CELSR3: variants seen among roughly 807,000 people sequenced by gnomAD.
The protein encoded by CELSR3 is EGF-like protein 1.
Under a neutral mutation model 270.0 loss-of-function variants are expected in CELSR3, and 73 were observed. The ratio of observed to expected loss-of-function variants is 0.27; its 90% CI spans 0.22 to 0.33. CELSR3 has a LOEUF of 0.33. Among genes scored for constraint, CELSR3 ranks in the 10% least tolerant of loss-of-function variants. CELSR3 has a pLI of 1.00. For missense variants in CELSR3, 3,614 were observed against 4,533.8 expected (o/e 0.80, Z 5.83); for synonymous variants, 1,780 against 1,905.4 (o/e 0.93, Z 1.71).
chr3:48,645,793 G>A lies in CELSR3; in HGVS notation c.7539C>T (p.Arg2513=). 1.9e-6 allele frequency: 3 copies of A among 1,611,928 alleles called. No individual in the cohort carries two copies. The highest frequency in any genetic ancestry group is 2.5e-6 in the Non-Finnish European group (3 of 1,179,462). Residue 2513 remains arginine, a synonymous_variant, in exon 23 of 35, where the codon CGC becomes CGT. Coordinates refer to ENST00000164024, the MANE Select transcript of CELSR3 (RefSeq NM_001407.3). This position sits in a 1 kb window ranked among gnomAD's most constrained non-coding sequence, Gnocchi z 5.4. ...VHRNGSHARC[R]CSRTGTFGVL... is the part of the protein sequence containing the mutation. ...CCCCAAAGGTCCCTGTCCGGCTGCAGCGACACCGTGCGTGGGACCCATTCC... is the reference window on the plus strand; with the variant it reads ...CCCCAAAGGTCCCTGTCCGGCTGCAACGACACCGTGCGTGGGACCCATTCC...
At position 48,639,625 on chromosome 3, in the gene CELSR3, G is replaced by C. The variant is rs760937695; in HGVS notation, c.9911+49C>G. ...GAACACAGGGCAGGGCACACAGGAG[G>C]TTGCCCTAAGCTGATGAGGGTGCAA... On this transcript the variant is annotated intron_variant, in intron 34 of 34. Coordinates refer to ENST00000164024, the MANE Select transcript of CELSR3 (RefSeq NM_001407.3). This position sits in a 1 kb window ranked among gnomAD's most constrained non-coding sequence, Gnocchi z 4.1. 3.1e-6 allele frequency: 5 copies of C among 1,594,728 alleles called. 1 individual carries two copies. The South Asian group carries it at 5.6e-5, about 18-fold the overall frequency.
chr3:48,642,360 G>A lies in CELSR3; in HGVS notation c.8663C>T (p.Ala2888Val). 6.2e-7 allele frequency: 1 copy of A among 1,612,208 alleles called. No individual in the cohort carries two copies. Among genetic ancestry groups the A allele is most frequent in the Non-Finnish European group, 8.5e-7 (1 of 1,179,404 alleles). The change falls in exon 31 of 35, where the codon GCT (alanine) becomes GTT (valine). Residue 2888 changes from alanine (A) to valine (V), a missense_variant and splice_region_variant. Transcript: ENST00000164024. This position sits in a 1 kb window ranked among gnomAD's most constrained non-coding sequence, Gnocchi z 6.1. The part of the protein sequence containing the change: ...DLDVAMFHRD[A>V]GADSDSDSDL... ...CCTGCCCCAGGCCCCAACTCCACCA[G>A]CATCTCGATGGAACATGGCCACGTC...
chr3:48,650,495 G>T lies in CELSR3; in HGVS notation c.6457C>A (p.Pro2153Thr). ...KFGVLATVPC[P>T]RGALGAAVRL... ...ACATACTCACCCAGGGCCCCCCGGG[G>T]ACAGGGCACTGTGGCCAGGACGCCA... The change falls in exon 16 of 35, where the codon CCC becomes ACC. Residue 2153 changes from proline to threonine, a missense_variant. By Grantham distance (38) the Pro-to-Thr change is conservative. Coordinates refer to ENST00000164024, the MANE Select transcript of CELSR3 (RefSeq NM_001407.3). The surrounding 1 kb of genome is among the most constrained non-coding windows in gnomAD (Gnocchi z 5.1). The T allele has an allele frequency of 1.2e-6, 2 of 1,608,460 alleles. No homozygotes were observed. Among genetic ancestry groups the T allele is most frequent in the Non-Finnish European group, 1.7e-6 (2 of 1,178,046 alleles).
Position 48,655,989 on chromosome 3 carries a change from G to A in CELSR3, c.4626-138C>T. 1 of 1,107,174 alleles carries A rather than the reference G, an allele frequency of 9.0e-7. No individual in the cohort carries two copies. The highest frequency in any genetic ancestry group is 1.3e-6 in the Non-Finnish European group (1 of 762,710). 68.6% of individuals were successfully genotyped at this position (1,107,174 alleles called of 1,614,324 possible). A position where few individuals can be genotyped will look rare whatever the true frequency, so the allele number is the denominator to read the frequency against. On this transcript the variant is annotated intron_variant, in intron 3 of 34. Transcript: ENST00000164024. The surrounding 1 kb of genome is among the most constrained non-coding windows in gnomAD (Gnocchi z 5.8). ...GGACGGCGGGACCGACCGGGGGGAC[G>A]CGGGTGCAGCGAGGTCAGGAGACCC...
Position 48,653,343 on chromosome 3 carries a change from T to TA in CELSR3, c.5449-157_5449-156insT, listed in dbSNP as rs2106713972. On this transcript the variant is annotated intron_variant, in intron 9 of 34. Transcript: ENST00000164024. The surrounding 1 kb of genome is among the most constrained non-coding windows in gnomAD (Gnocchi z 6.5). ...AAGGGCACTGTGCCAGGGGACATCA[T>TA]GTTGCTGATATGGGGTCAGGGGGCA... Among the ~76,000 whole-genome samples the TA allele has an allele frequency of 6.6e-6, 1 of 152,242 alleles. No homozygotes were observed. The highest frequency in any genetic ancestry group is 1.9e-4 in the East Asian group (1 of 5,174).
intron 19 of CELSR3, 28 bp downstream of exon 19, chr3:48,648,238 G>GGCCCCCCCCCACCCCC: frequency 7.4e-7 from 1 of 1,342,630 alleles, no homozygotes; most frequent in Non-Finnish European, 1.1e-6. Flanking sequence ...CCCCTGCTGT[G>GGCCCCCCCCCACCCCC]CCCCGCCCTA....
Position 48,652,891 on chromosome 3 carries a change from A to C in CELSR3, c.5634+111T>G. 1 of 913,976 alleles carries C rather than the reference A, an allele frequency of 1.1e-6. No individual in the cohort carries two copies. The highest frequency in any genetic ancestry group is 1.7e-6 in the Non-Finnish European group (1 of 577,978). 56.6% of individuals were successfully genotyped at this position (913,976 alleles called of 1,614,324 possible). Reference sequence around the variant, plus strand: ...GGTGGGGAACTAGGGGTAGAACATCAGACTCAGTGCAGTGGAGGGAACTGA... The same window carrying C: ...GGTGGGGAACTAGGGGTAGAACATCCGACTCAGTGCAGTGGAGGGAACTGA... On this transcript the variant is annotated intron_variant, in intron 10 of 34. Coordinates refer to ENST00000164024, the MANE Select transcript of CELSR3 (RefSeq NM_001407.3). This position sits in a 1 kb window ranked among gnomAD's most constrained non-coding sequence, Gnocchi z 4.3.
rs1176756275 is a variant in CELSR3, at chr3:48,646,947, G to A, written c.7130-19C>T. On this transcript the variant is annotated intron_variant, in intron 20 of 34. Coordinates refer to ENST00000164024, the MANE Select transcript of CELSR3 (RefSeq NM_001407.3). The surrounding 1 kb of genome is among the most constrained non-coding windows in gnomAD (Gnocchi z 4.8). Reference sequence around the variant, plus strand: ...GGCAGAACTGCCAGGAGAGAAGGAGGAGCTTCTGTCAGTGACCTTTGACCC... The same window carrying A: ...GGCAGAACTGCCAGGAGAGAAGGAGAAGCTTCTGTCAGTGACCTTTGACCC... The A allele has an allele frequency of 4.0e-6, 6 of 1,502,830 alleles. No individual in the cohort carries two copies. The highest frequency in any genetic ancestry group is 1.4e-5 in the African/African-American group (1 of 69,348). 93.1% of individuals were successfully genotyped at this position (1,502,830 alleles called of 1,614,324 possible).
chr3:48,661,186 GGCAGCTGCAGCGCGC>G lies in CELSR3; in HGVS notation c.1434_1448del (p.Arg479_Ala483del). On this transcript the variant is annotated inframe_deletion, in exon 1 of 35. Coordinates refer to ENST00000164024, the MANE Select transcript of CELSR3 (RefSeq NM_001407.3). Reference sequence around the variant, plus strand: ...AGCGTGGATCAATCTCGAAGGCGGCGGCAGCTGCAGCGCGCGCAGCTGGCGGCCCCACGAAGCGGT... The same window carrying G: ...AGCGTGGATCAATCTCGAAGGCGGCGGCAGCTGGCGGCCCCACGAAGCGGT... 6.3e-7 allele frequency: 1 copy of G among 1,597,418 alleles called. No individual in the cohort carries two copies. The highest frequency in any genetic ancestry group is 8.5e-7 in the Non-Finnish European group (1 of 1,171,576).
rs1280180779 is a variant in CELSR3, at chr3:48,657,018, C to T, written c.4079G>A (p.Arg1360Gln). Residue 1360 changes from arginine to glutamine, a missense_variant, in exon 2 of 35, where the codon CGG becomes CAG. By Grantham distance (43) the Arg-to-Gln change is conservative (BLOSUM62 1). Transcript: ENST00000164024. This position sits in a 1 kb window ranked among gnomAD's most constrained non-coding sequence, Gnocchi z 5.4. ...EELQEQLYVR[R>Q]AALAARSLLD... is the part of the protein sequence containing the mutation. Reference sequence around the variant, plus strand: ...CAGGGAGCGAGCCGCCAGCGCCGCCCGGCGCACGTACAACTGCTCCTGCAG... The same window carrying T: ...CAGGGAGCGAGCCGCCAGCGCCGCCTGGCGCACGTACAACTGCTCCTGCAG... 6.2e-7 allele frequency: 1 copy of T among 1,613,406 alleles called. No homozygotes were observed. Among genetic ancestry groups the T allele is most frequent in the Non-Finnish European group, 8.5e-7 (1 of 1,179,718 alleles).
At position 48,652,502 on chromosome 3, in the gene CELSR3, G is replaced by A. The variant is rs149830456; in HGVS notation, c.5686C>T (p.His1896Tyr). The A allele has an allele frequency of 6.2e-6, 10 of 1,613,638 alleles. No individual in the cohort carries two copies. The highest frequency in any genetic ancestry group is 7.6e-6 in the Non-Finnish European group (9 of 1,179,958). Reference protein sequence around the residue: ...ELQGLKVKQLHVGGLPPGSAE... With the variant: ...ELQGLKVKQLYVGGLPPGSAE... The stretch of plus-strand genomic sequence containing the variant: ...CTGCCGGGGGGCAGGCCTCCCACGT[G>A]GAGCTGCTTTACCTTCAGGCCCTGC... The change falls in exon 11 of 35, where the codon CAC (histidine) becomes TAC (tyrosine). Residue 1896 changes from histidine to tyrosine, a missense_variant. Transcript: ENST00000164024. The surrounding 1 kb of genome is among the most constrained non-coding windows in gnomAD (Gnocchi z 4.3).
In CELSR3 at chr3:48,655,367, G is replaced by C. The variant is rs372403376; in HGVS notation, c.4769C>G (p.Thr1590Arg). 1.2e-6 allele frequency: 2 copies of C among 1,614,008 alleles called. No homozygotes were observed. Among genetic ancestry groups the C allele is most frequent in the African/African-American group, 2.7e-5 (2 of 74,902 alleles). The change falls in exon 5 of 35, where the codon ACA becomes AGA. Residue 1590 changes from threonine to arginine, a missense_variant. By Grantham distance (71) the Thr-to-Arg change is moderately conservative (BLOSUM62 -1). This residue lies in a region of CELSR3 where 1,331 missense variants were observed against 1,933.7 expected (regional missense o/e 0.69). Coordinates refer to ENST00000164024, the MANE Select transcript of CELSR3 (RefSeq NM_001407.3). The surrounding 1 kb of genome is among the most constrained non-coding windows in gnomAD (Gnocchi z 5.8). ...TGESNTVVSP[T>R]VPGGLSDGQW... Reference sequence around the variant, plus strand: ...CCCGTCACTCAAGCCCCCTGGAACTGTGGGGCTGACCACGGTGTTGGATTC... The same window carrying C: ...CCCGTCACTCAAGCCCCCTGGAACTCTGGGGCTGACCACGGTGTTGGATTC...
At position 48,641,520 on chromosome 3, in the gene CELSR3, C is replaced by T; in HGVS notation, c.8829G>A (p.Val2943=). The part of the protein sequence containing the change: ...SERLLTHPKD[V]DGNDLLSYWP... The stretch of plus-strand genomic sequence containing the variant: ...AGTAGGACAGGAGGTCATTGCCATC[C>T]ACATCTGTGGAGCCAGGTCAGGTTA... Residue 2943 remains valine (V), a synonymous_variant, in exon 33 of 35, where the codon GTG becomes GTA. Transcript: ENST00000164024. This position sits in a 1 kb window ranked among gnomAD's most constrained non-coding sequence, Gnocchi z 4.8. 6.2e-7 allele frequency: 1 copy of T among 1,610,834 alleles called. No individual in the cohort carries two copies. The highest frequency in any genetic ancestry group is 8.5e-7 in the Non-Finnish European group (1 of 1,178,632).
Position 48,654,474 on chromosome 3 carries a change from C to A in CELSR3, c.4989-22G>T. On this transcript the variant is annotated intron_variant, in intron 6 of 34. Coordinates refer to ENST00000164024, the MANE Select transcript of CELSR3 (RefSeq NM_001407.3). The surrounding 1 kb of genome is among the most constrained non-coding windows in gnomAD (Gnocchi z 5.4). ...GGACCTGGGGATCAGGGGTCTGGGT[C>A]ATTGGTGGGACTGGGGCCAGAGTAG... 6.4e-7 allele frequency: 1 copy of A among 1,551,228 alleles called. No individual in the cohort carries two copies. The highest frequency in any genetic ancestry group is 1.2e-5 in the South Asian group (1 of 81,766).
rs959140876 is a variant in CELSR3, at chr3:48,654,370, T to G, written c.5071A>C (p.Ile1691Leu). 6.2e-7 allele frequency: 1 copy of G among 1,613,870 alleles called. No homozygotes were observed. The highest frequency in any genetic ancestry group is 1.7e-5 in the Admixed American group (1 of 60,008). Residue 1691 changes from isoleucine to leucine, a missense_variant, in exon 7 of 35, where the codon ATC becomes CTC. By Grantham distance (5) the Ile-to-Leu change is conservative (BLOSUM62 2). Around this residue, in one of 7 missense-constraint regions of CELSR3, gnomAD observed 1,331 missense variants for 1,933.7 expected, o/e 0.69. Coordinates refer to ENST00000164024, the MANE Select transcript of CELSR3 (RefSeq NM_001407.3). The surrounding 1 kb of genome is among the most constrained non-coding windows in gnomAD (Gnocchi z 5.4). ...ATGTGCAGGTCCCGCATACAGCCGA[T>G]GAAGTCCTTATGGGATACGGGGAAG... ...ENFPVSHKDF[I>L]GCMRDLHIDG...
In CELSR3 at chr3:48,656,343, G is replaced by A; in HGVS notation, c.4422C>T (p.Thr1474=). The change falls in exon 3 of 35, where the codon ACC becomes ACT. Residue 1474 remains threonine (T), a synonymous_variant. Transcript: ENST00000164024. ...RFTGEDCELD[T]EAGRCVPGVC... Reference sequence around the variant, plus strand: ...CGCCCGGCACGCAGCGGCCGGCCTCGGTGTCCAGCTCGCAGTCCTCTCCTG... The same window carrying A: ...CGCCCGGCACGCAGCGGCCGGCCTCAGTGTCCAGCTCGCAGTCCTCTCCTG... 2.8e-6 allele frequency: 4 copies of A among 1,433,968 alleles called. No individual in the cohort carries two copies. The highest frequency in any genetic ancestry group is 2.7e-6 in the Non-Finnish European group (3 of 1,108,178). The allele number at this position is 1,433,968 out of a possible 1,614,324, so 88.8% of individuals were successfully genotyped here. A position where few individuals can be genotyped will look rare whatever the true frequency, so the allele number is the denominator to read the frequency against.
At chr3:48,656,489 C>T in intron 2 of CELSR3, 124 bp from the exon 3 acceptor site, 1 of 1,136,140 alleles carries the variant, frequency 8.8e-7, no homozygotes, top group Non-Finnish European at 1.2e-6. Flanking sequence ...CTTCGGTGGA[C>T]ACGCCCCTTC....
Position 48,641,624 on chromosome 3 carries a change from G to C in CELSR3, c.8825-100C>G, listed in dbSNP as rs2047027278. ...TTGAAACCCTGGCTGTTCTCATTGA[G>C]CAGAGGTGGGAACAGGAGGGTATCT... On this transcript the variant is annotated intron_variant, in intron 32 of 34. Transcript: ENST00000164024. The surrounding 1 kb of genome is among the most constrained non-coding windows in gnomAD (Gnocchi z 4.8). 3.1e-6 allele frequency: 3 copies of C among 959,682 alleles called. No homozygotes were observed. Among genetic ancestry groups the C allele is most frequent in the African/African-American group, 1.6e-5 (1 of 61,262 alleles). 59.4% of individuals were successfully genotyped at this position (959,682 alleles called of 1,614,324 possible). A position where few individuals can be genotyped will look rare whatever the true frequency, so the allele number is the denominator to read the frequency against.
chr3:48,642,364 C>T lies in CELSR3; in HGVS notation c.8659G>A (p.Asp2887Asn). 6.2e-7 allele frequency: 1 copy of T among 1,612,560 alleles called. No homozygotes were observed. Among genetic ancestry groups the T allele is most frequent in the Non-Finnish European group, 8.5e-7 (1 of 1,179,574 alleles). Residue 2887 changes from aspartate to asparagine, a missense_variant, in exon 31 of 35, where the codon GAT becomes AAT. Coordinates refer to ENST00000164024, the MANE Select transcript of CELSR3 (RefSeq NM_001407.3). This position sits in a 1 kb window ranked among gnomAD's most constrained non-coding sequence, Gnocchi z 6.1. Reference sequence around the variant, plus strand: ...CCCCAGGCCCCAACTCCACCAGCATCTCGATGGAACATGGCCACGTCCAGG... The same window carrying T: ...CCCCAGGCCCCAACTCCACCAGCATTTCGATGGAACATGGCCACGTCCAGG... ...TDLDVAMFHR[D>N]AGADSDSDSD...
Sources: gnomAD v4.1 joint callset for allele counts (sites outside exome capture counted in the v4.1 genomes callset) on GRCh38, gnomAD v4.1.1 for gene constraint, gnomAD v4.1.1 regional missense constraint, Gnocchi (gnomAD v3.1) non-coding constraint, MANE v1.5 for transcripts, NCBI Gene and HGNC (gene_info 2026-07-23, HGNC 2026-07-21) for gene names.